The following MVB12B variants were observed in gnomAD, a reference collection of about 807,000 sequenced individuals.
MVB12B encodes the protein multivesicular body subunit 12B.
MVB12B carries 16 observed loss-of-function variants against 41.6 expected under a neutral mutation model. The observed-to-expected ratio is 0.38, with a 90% CI of 0.26 to 0.58. MVB12B has a LOEUF of 0.58. Ranked by LOEUF, MVB12B falls within the 20% of genes least tolerant of loss-of-function variation. The pLI, the probability that MVB12B is intolerant of heterozygous loss-of-function variation, is 0.62. For synonymous variants in MVB12B, 133 were observed against 139.7 expected, an observed-to-expected ratio of 0.95 and a Z score of 0.34; for missense variants, 274 against 380.2, an observed-to-expected ratio of 0.72 and a Z score of 2.32.
intron 7 of MVB12B, among the ~76,000 whole-genome samples, chr9:126,427,311 G>C (rs1469260733): frequency 2.0e-5 from 3 of 152,122 alleles, no homozygotes; most frequent in Non-Finnish European, 4.4e-5. Flanking sequence ...CTTGTGGTGG[G>C]TGTCAGGCAC....
At chr9:126,407,735 C>G (rs776832084) in intron 6 of MVB12B, among the ~76,000 whole-genome samples, 2 of 152,120 alleles carry the variant, frequency 1.3e-5, no homozygotes, top group Non-Finnish European at 2.9e-5. Context: ...GCGTTATTAC[C>G]AAAGACCGTG....
rs1834040213 is a variant in MVB12B at position 126,505,150 on chromosome 9, T to G, written c.*1887T>G. 1 of 152,300 alleles carries G rather than the reference T, an allele frequency of 6.6e-6. No individual in the cohort carries two copies. Among genetic ancestry groups the G allele is most frequent in the African/African-American group, 2.4e-5 (1 of 41,454 alleles). The allele number at this position is 152,300 out of a possible 1,614,324, so 9.4% of individuals were successfully genotyped here. ...TCCTTCACCTCTTTTCGTGCCCTGG[T>G]TGTGAGATTGCCTCTAACAGGTAAT... On this transcript the variant is annotated 3_prime_UTR_variant, in exon 10 of 10. Coordinates refer to ENST00000361171, the MANE Select transcript of MVB12B (RefSeq NM_033446.3).
intron 7 of MVB12B, among the ~76,000 whole-genome samples, chr9:126,437,344 A>G (rs1194778024): frequency 6.6e-6 from 1 of 152,248 alleles, no homozygotes; most frequent in African/African-American, 2.4e-5. Flanking sequence ...TTGCAAAACT[A>G]TCACGGCATA....
At chr9:126,358,971 T>C (rs1288387535) in intron 2 of MVB12B, among the ~76,000 whole-genome samples, 1 of 152,194 alleles carries the variant, frequency 6.6e-6, no homozygotes, top group African/African-American at 2.4e-5. Flanking sequence ...TTCCAGAGGG[T>C]TTTTAAATCA....
Position 126,367,251 on chromosome 9 carries a change from C to A in MVB12B, c.205-13813C>A, listed in dbSNP as rs1357868681. On this transcript the variant is annotated intron_variant, in intron 2 of 9. Transcript: ENST00000361171. This position sits in a 1 kb window ranked among gnomAD's most constrained non-coding sequence, Gnocchi z 4.3. ...TCCTGCCCGGGGCTCTCCAGCCACG[C>A]TCCCCCTCTTGCTCCCTAGGATGGG... Among the ~76,000 whole-genome samples, 1 of 152,156 alleles carries A rather than the reference C, an allele frequency of 6.6e-6. No individual in the cohort carries two copies. Among genetic ancestry groups the A allele is most frequent in the Non-Finnish European group, 1.5e-5 (1 of 68,032 alleles).
chr9:126,501,041 T>G (rs534282283), intron 9 of MVB12B, among the ~76,000 whole-genome samples: 1 of 152,336 alleles, frequency 6.6e-6, no homozygotes, highest in East Asian at 1.9e-4. Flanking sequence ...TTCCCTGCCG[T>G]GCATGTGCCC....
At chr9:126,344,911 T>C (rs1357634256) in intron 2 of MVB12B, among the ~76,000 whole-genome samples, 2 of 152,194 alleles carry the variant, frequency 1.3e-5, no homozygotes, top group Non-Finnish European at 2.9e-5. Flanking sequence ...TGTTAATCTA[T>C]TCATGAGGAC....
At position 126,468,757 on chromosome 9, in the gene MVB12B, C is replaced by T. The variant is rs1384679045; in HGVS notation, c.758-12612C>T. On this transcript the variant is annotated intron_variant, in intron 7 of 9. Coordinates refer to ENST00000361171, the MANE Select transcript of MVB12B (RefSeq NM_033446.3). This position sits in a 1 kb window ranked among gnomAD's most constrained non-coding sequence, Gnocchi z 4.3. ...GCTGTTAAAACCTAAATCTCCCCAT[C>T]TCTCTCTCCAGCTCAAAGACCCTTT... Among the ~76,000 whole-genome samples the T allele has an allele frequency of 6.6e-6, 1 of 152,214 alleles. No homozygotes were observed. Among genetic ancestry groups the T allele is most frequent in the Non-Finnish European group, 1.5e-5 (1 of 68,038 alleles).
intron 2 of MVB12B, among the ~76,000 whole-genome samples, chr9:126,346,168 G>A (rs1230032845): frequency 2.0e-5 from 3 of 152,160 alleles, no homozygotes; most frequent in East Asian, 1.9e-4. Flanking sequence ...TGGTTGGCAC[G>A]GAAAACCCTT....
At chr9:126,434,256 A>G (rs75504219) in intron 7 of MVB12B, among the ~76,000 whole-genome samples, 2 of 150,408 alleles carry the variant, frequency 1.3e-5, no homozygotes, top group Non-Finnish European at 3.0e-5. Flanking sequence ...AAAAAAAAAA[A>G]TCTTCAATCC....
rs1346351851 is a variant in MVB12B at position 126,440,854 on chromosome 9, T to G, written c.757+18906T>G. ...TGTAGGCTAATGCAGGCACAGCCCGTGCATGCACAATAAGTTATGCTTTTG... is the reference window on the plus strand; with the variant it reads ...TGTAGGCTAATGCAGGCACAGCCCGGGCATGCACAATAAGTTATGCTTTTG... On this transcript the variant is annotated intron_variant, in intron 7 of 9. Coordinates refer to ENST00000361171, the MANE Select transcript of MVB12B (RefSeq NM_033446.3). Among the ~76,000 whole-genome samples the G allele has an allele frequency of 3.9e-5, 6 of 152,372 alleles. No homozygotes were observed. In the South Asian group the frequency reaches 1.0e-3, roughly 26 times the overall value.
chr9:126,331,468 GT>G (rs1829129190), intron 1 of MVB12B, among the ~76,000 whole-genome samples: 1 of 152,060 alleles, frequency 6.6e-6, no homozygotes, highest in African/African-American at 2.4e-5. Context: ...TAAGGAATTT[GT>G]TTTTTTGTTG....
chr9:126,488,920 T>C (rs1833675929), intron 9 of MVB12B, among the ~76,000 whole-genome samples: 1 of 152,166 alleles, frequency 6.6e-6, no homozygotes, highest in South Asian at 2.1e-4. Flanking sequence ...ATTCTGAGCA[T>C]GGAGGTTAGG....
chr9:126,386,610 G>T lies in MVB12B; in HGVS notation c.361G>T (p.Asp121Tyr). The change falls in exon 4 of 10, where the codon GAC (aspartate) becomes TAC (tyrosine). Residue 121 changes from aspartate (D) to tyrosine (Y), a missense_variant. By Grantham distance (160) the Asp-to-Tyr change is radical (BLOSUM62 -3). Transcript: ENST00000361171. The surrounding 1 kb of genome is among the most constrained non-coding windows in gnomAD (Gnocchi z 4.3). The part of the protein sequence containing the change: ...LVDMKLIDIK[D>Y]TLPVGFIPIQ... ...AGATATGAAGCTCATTGACATCAAG[G>T]ACACACTGCCTGTGGGCTTCATCCC... is the stretch of plus-strand genomic sequence containing the variant. 1.2e-6 allele frequency: 2 copies of T among 1,614,080 alleles called. No individual in the cohort carries two copies. The highest frequency in any genetic ancestry group is 1.7e-6 in the Non-Finnish European group (2 of 1,179,992).
intron 7 of MVB12B, among the ~76,000 whole-genome samples, chr9:126,449,967 G>C (rs897725215): frequency 6.6e-6 from 1 of 152,132 alleles, no homozygotes; most frequent in African/African-American, 2.4e-5. Context: ...TGCCTCCTAC[G>C]GAATTCCGTA....
chr9:126,373,977 C>G (rs764400286), intron 2 of MVB12B, among the ~76,000 whole-genome samples: 1 of 152,178 alleles, frequency 6.6e-6, no homozygotes, highest in Non-Finnish European at 1.5e-5. Context: ...GTTTTGAAAA[C>G]AAACTAAAGT....
chr9:126,426,860 C>A (rs1312255680), intron 7 of MVB12B: 2 of 152,390 alleles, frequency 1.3e-5, no homozygotes, highest in Non-Finnish European at 2.9e-5. Flanking sequence ...GCCCGAAGAG[C>A]TGTCCTTCCT....
At chr9:126,335,256 A>G in intron 1 of MVB12B, 1 of 1,240,436 alleles carries the variant, frequency 8.1e-7, no homozygotes, top group Non-Finnish European at 1.1e-6. Context: ...TAATCTGTCC[A>G]AAGTTCAGAA....
At position 126,386,096 on chromosome 9, in the gene MVB12B, A is replaced by AT. The variant is rs1307303361; in HGVS notation, c.313-465dup. On this transcript the variant is annotated intron_variant, in intron 3 of 9. Transcript: ENST00000361171. This position sits in a 1 kb window ranked among gnomAD's most constrained non-coding sequence, Gnocchi z 4.3. ...TTGCAGAATGTATCTAGCAACTGAA[A>AT]TGTGTGTCAGTATGCAGACTGGTGA... Among the ~76,000 whole-genome samples, 1 of 152,198 alleles carries AT rather than the reference A, an allele frequency of 6.6e-6. No homozygotes were observed. Among genetic ancestry groups the AT allele is most frequent in the African/African-American group, 2.4e-5 (1 of 41,440 alleles).
Sources: allele counts gnomAD v4.1 joint callset (sites outside exome capture counted in the v4.1 genomes callset), GRCh38; gene constraint gnomAD v4.1.1; non-coding constraint Gnocchi (gnomAD v3.1); transcripts MANE v1.5; gene names NCBI Gene and HGNC (gene_info 2026-07-23, HGNC 2026-07-21).